WASF3: variants seen among roughly 807,000 people sequenced by gnomAD.
WASF3 encodes WASP family member 3, also known as actin-binding protein WASF3.
Under a neutral mutation model 46.6 loss-of-function variants are expected in WASF3, and 11 were observed. That is an observed-to-expected ratio of 0.24 (90% CI 0.15 to 0.39). WASF3 has a LOEUF of 0.39. WASF3 is among the 10% of genes least tolerant of loss of function. WASF3 has a pLI of 1.00. For synonymous variants in WASF3, 242 were observed against 259.7 expected (o/e 0.93, Z 0.65); for missense variants, 576 against 669.8 (o/e 0.86, Z 1.55).
At chr13:26,599,206 C>T (rs1319127919) in intron 1 of WASF3, among the ~76,000 whole-genome samples, 4 of 59,564 alleles carry the variant, frequency 6.7e-5, no homozygotes, top group South Asian at 5.1e-4. Flanking sequence ...TTTTTTGAGA[C>T]GGAGTCTTGC....
chr13:26,665,274 TTG>T, intron 4 of WASF3, 112 bp downstream of exon 4: 5 of 1,308,538 alleles, frequency 3.8e-6, no homozygotes, highest in Non-Finnish European at 5.2e-6. Flanking sequence ...ATATTTCATC[TTG>T]TCTTTCCTAG....
At chr13:26,558,362 C>T (rs958720535) in intron 1 of WASF3, among the ~76,000 whole-genome samples, 20 of 152,278 alleles carry the variant, frequency 1.3e-4, no homozygotes, top group Admixed American at 8.5e-4. Context: ...TGGTTGCGGG[C>T]GTCCTCTCCC....
At chr13:26,554,096 C>CTTCTTTCTCTCTTTCTTTCTTTCT (rs1879039441), upstream of WASF3, among the ~76,000 whole-genome samples, 4 of 7,372 alleles carry the variant, frequency 5.4e-4, no homozygotes, top group African/African-American at 1.5e-3. Context: ...TCCTTCCTTC[C>CTTCTTTCTCTCTTTCTTTCTTTCT]TTCTTTCTTT....
At chr13:26,554,901 A>C (rs966570259), upstream of WASF3, among the ~76,000 whole-genome samples, 3 of 152,128 alleles carry the variant, frequency 2.0e-5, no homozygotes, top group Non-Finnish European at 4.4e-5. Context: ...AATACCTAGG[A>C]GTGTGATGGC....
chr13:26,578,993 CT>C (rs200299739), intron 1 of WASF3, among the ~76,000 whole-genome samples: 101 of 60,636 alleles, frequency 1.7e-3, no homozygotes, highest in African/African-American at 6.7e-3. Context: ...GATACATTTC[CT>C]TTTTTTTTTT....
chr13:26,685,330 C>G (rs1201926109), intron 9 of WASF3, among the ~76,000 whole-genome samples: 1 of 152,130 alleles, frequency 6.6e-6, no homozygotes, highest in Non-Finnish European at 1.5e-5. Context: ...CTGCAGCGTC[C>G]CAGAGAGTAG....
intron 1 of WASF3, among the ~76,000 whole-genome samples, chr13:26,608,788 A>C (rs1880881568): frequency 6.6e-6 from 1 of 152,204 alleles, no homozygotes; most frequent in South Asian, 2.1e-4. Flanking sequence ...GCTTTTTGCT[A>C]AAAAATTCAT....
intron 1 of WASF3, among the ~76,000 whole-genome samples, chr13:26,593,786 C>T (rs1880374632): frequency 6.6e-6 from 1 of 152,160 alleles, no homozygotes; most frequent in Non-Finnish European, 1.5e-5. Flanking sequence ...CATGCTTTTC[C>T]ATTTAGTGTC....
At chr13:26,564,686 C>CT (rs1879403239) in intron 1 of WASF3, among the ~76,000 whole-genome samples, 1 of 152,112 alleles carries the variant, frequency 6.6e-6, no homozygotes, top group Non-Finnish European at 1.5e-5. Context: ...ATTTTATCAG[C>CT]TAAATGGATG....
chr13:26,596,334 T>C (rs999062929), intron 1 of WASF3, among the ~76,000 whole-genome samples: 3 of 149,106 alleles, frequency 2.0e-5, no homozygotes, highest in African/African-American at 7.4e-5. Context: ...GATTGTTTAC[T>C]TTTTTTTTTA....
chr13:26,583,016 G>A (rs763795749), intron 1 of WASF3, among the ~76,000 whole-genome samples: 2 of 152,162 alleles, frequency 1.3e-5, no homozygotes, highest in Admixed American at 6.5e-5. Context: ...GCTTAAAATG[G>A]GGGCAGAAAG....
rs1883421284 is a variant in WASF3, at chr13:26,686,885, A to G, written c.*1040A>G. On this transcript the variant is annotated 3_prime_UTR_variant, in exon 10 of 10. Transcript: ENST00000335327. ...AAAGCTTAGGTTTAGGTGAAAGTAG[A>G]TATTGACAGCTATTCACCTTTCACG... 1 of 152,274 alleles carries G rather than the reference A, an allele frequency of 6.6e-6. No individual in the cohort carries two copies. Among genetic ancestry groups the G allele is most frequent in the Non-Finnish European group, 1.5e-5 (1 of 68,056 alleles). 9.4% of individuals were successfully genotyped at this position (152,274 alleles called of 1,614,324 possible).
intron 3 of WASF3, among the ~76,000 whole-genome samples, chr13:26,657,441 G>T (rs949612646): frequency 1.3e-5 from 2 of 152,156 alleles, no homozygotes; most frequent in Non-Finnish European, 1.5e-5. Context: ...AGGCAGGGCC[G>T]CCATCACTTA....
intron 3 of WASF3, among the ~76,000 whole-genome samples, chr13:26,659,416 A>G (rs1882559860): frequency 6.6e-6 from 1 of 152,180 alleles, no homozygotes; most frequent in Admixed American, 6.5e-5. Flanking sequence ...TAGGTCGTGT[A>G]GGAGCTTATA....
chr13:26,610,368 C>A (rs954599302), intron 1 of WASF3, among the ~76,000 whole-genome samples: 1 of 152,162 alleles, frequency 6.6e-6, no homozygotes, highest in Non-Finnish European at 1.5e-5. Context: ...AGAGCACTGG[C>A]CCCACGGAAT....
chr13:26,577,499 C>G, intron 1 of WASF3: 11 of 1,253,428 alleles, frequency 8.8e-6, no homozygotes, highest in Non-Finnish European at 1.2e-5. Flanking sequence ...ATCCATTTAT[C>G]CTCTCCATGA....
chr13:26,586,505 CTA>C lies in WASF3; in HGVS notation c.-108-26454_-108-26453del, dbSNP rs761641233. 9.9e-5 allele frequency among the ~76,000 whole-genome samples: 15 copies of C among 152,278 alleles called. No homozygotes were observed. In the East Asian group the frequency reaches 1.4e-3, roughly 14 times the overall value. On this transcript the variant is annotated intron_variant, in intron 1 of 9. Coordinates refer to ENST00000335327, the MANE Select transcript of WASF3 (RefSeq NM_006646.6). The stretch of plus-strand genomic sequence containing the variant: ...TCCATTATAGGTTTATTTATTCACA[CTA>C]TTTTAATTATTGAAGCTATATAATG...
intron 1 of WASF3, among the ~76,000 whole-genome samples, chr13:26,559,808 CTT>C (rs770616922): frequency 0.02 from 1,467 of 73,172 alleles, 18 homozygotes; most frequent in African/African-American, 0.06. Context: ...TTCTTTCTTT[CTT>C]TTTTTTTTTT....
At position 26,688,436 on chromosome 13, in the gene WASF3, A is replaced by G. The variant is rs1018891002; in HGVS notation, c.*2591A>G. 3 of 152,182 alleles carry G rather than the reference A, an allele frequency of 2.0e-5. No individual in the cohort carries two copies. The highest frequency in any genetic ancestry group is 7.2e-5 in the African/African-American group (3 of 41,440). The allele number at this position is 152,182 out of a possible 1,614,324, so 9.4% of individuals were successfully genotyped here. ...TTAATGTCTCCTAAGCTTTTCTCTCATAGCGTAGACCTAGGGAAGGGATGG... is the reference window on the plus strand; with the variant it reads ...TTAATGTCTCCTAAGCTTTTCTCTCGTAGCGTAGACCTAGGGAAGGGATGG... On this transcript the variant is annotated 3_prime_UTR_variant, in exon 10 of 10. Coordinates refer to ENST00000335327, the MANE Select transcript of WASF3 (RefSeq NM_006646.6).
Sources: allele counts gnomAD v4.1 joint callset (sites outside exome capture counted in the v4.1 genomes callset), GRCh38; gene constraint gnomAD v4.1.1; transcripts MANE v1.5; gene names NCBI Gene and HGNC (gene_info 2026-07-23, HGNC 2026-07-21).